SIVA1: variants seen among roughly 807,000 people sequenced by gnomAD.
SIVA1 encodes apoptosis regulatory protein Siva.
SIVA1 carries 10 observed loss-of-function variants against 19.7 expected under a neutral mutation model. The observed-to-expected ratio is 0.51, with a 90% CI of 0.31 to 0.86. SIVA1 has a LOEUF of 0.86. Ranked by LOEUF, SIVA1 falls within the 40% of genes least tolerant of loss-of-function variation. The pLI is 0.04. For synonymous variants in SIVA1, 130 were observed against 106.1 expected (o/e 1.23, Z -1.39); for missense variants, 241 against 245.2 (o/e 0.98, Z 0.11).
intron 1 of SIVA1, among the ~76,000 whole-genome samples, chr14:104,754,487 G>A (rs527462311): frequency 1.3e-5 from 2 of 152,226 alleles, no homozygotes; most frequent in African/African-American, 2.4e-5. Flanking sequence ...CAGGCAAGAA[G>A]AGGAAGATGG....
At chr14:104,753,814 G>C in intron 1 of SIVA1, 1 of 453,152 alleles carries the variant, frequency 2.2e-6, no homozygotes, top group Non-Finnish European at 4.5e-6. Flanking sequence ...GATGTGCCCC[G>C]TCTCCCGGGA....
chr14:104,756,042 A>G (rs748883173), intron 2 of SIVA1: 1 of 672,826 alleles, frequency 1.5e-6, no homozygotes, highest in Non-Finnish European at 2.7e-6. Flanking sequence ...CCAAAAAAGC[A>G]GCAGAGACTC....
At position 104,753,300 on chromosome 14, in the gene SIVA1, C is replaced by A; in HGVS notation, c.99C>A (p.Arg33=). The A allele has an allele frequency of 6.2e-7, 1 of 1,600,698 alleles. No homozygotes were observed. Among genetic ancestry groups the A allele is most frequent in the South Asian group, 1.1e-5 (1 of 89,498 alleles). The change falls in exon 1 of 4, where the codon CGC becomes CGA. Residue 33 remains arginine, a synonymous_variant. Coordinates refer to ENST00000329967, the MANE Select transcript of SIVA1 (RefSeq NM_006427.4). ...RELSRGVCAE[R]YSQEVFEKTK... is the part of the protein sequence containing the mutation. Reference sequence around the variant, plus strand: ...TGAGCCGCGGCGTGTGCGCCGAGCGCTACTCGCAGGAGGTCTTCGGTGAGT... The same window carrying A: ...TGAGCCGCGGCGTGTGCGCCGAGCGATACTCGCAGGAGGTCTTCGGTGAGT...
In SIVA1 at chr14:104,759,611, T is replaced by A; in HGVS notation, c.*126T>A. Reference sequence around the variant, plus strand: ...GAGGGGTGCCTTTTACATGTTCTATTTTGTATCCTAATGACAGAATGAATA... The same window carrying A: ...GAGGGGTGCCTTTTACATGTTCTATATTGTATCCTAATGACAGAATGAATA... On this transcript the variant is annotated 3_prime_UTR_variant, in exon 4 of 4. Coordinates refer to ENST00000329967, the MANE Select transcript of SIVA1 (RefSeq NM_006427.4). This position sits in a 1 kb window ranked among gnomAD's most constrained non-coding sequence, Gnocchi z 4.2. 1.5e-6 allele frequency: 1 copy of A among 668,854 alleles called. No homozygotes were observed. The highest frequency in any genetic ancestry group is 2.6e-6 in the Non-Finnish European group (1 of 386,050). The allele number at this position is 668,854 out of a possible 1,614,324, so 41.4% of individuals were successfully genotyped here.
chr14:104,756,284 C>G (rs1170837459), intron 2 of SIVA1: 2 of 481,288 alleles, frequency 4.2e-6, no homozygotes, highest in African/African-American at 3.9e-5. Flanking sequence ...CCAGATGGGA[C>G]ACATGGAGTT....
chr14:104,753,576 G>C (rs1366599467), intron 1 of SIVA1: 1 of 520,440 alleles, frequency 1.9e-6, no homozygotes, highest in African/African-American at 2.0e-5. Context: ...CCTAGCCCCC[G>C]CGCCCTCTTC....
At position 104,759,172 on chromosome 14, in the gene SIVA1, T is replaced by C; in HGVS notation, c.471-256T>C. The C allele has an allele frequency of 2.7e-6, 1 of 367,300 alleles. No individual in the cohort carries two copies. The highest frequency in any genetic ancestry group is 4.9e-6 in the Non-Finnish European group (1 of 202,298). 22.8% of individuals were successfully genotyped at this position (367,300 alleles called of 1,614,324 possible). A position where few individuals can be genotyped will look rare whatever the true frequency, so the allele number is the denominator to read the frequency against. On this transcript the variant is annotated intron_variant, in intron 3 of 3. Transcript: ENST00000329967. This position sits in a 1 kb window ranked among gnomAD's most constrained non-coding sequence, Gnocchi z 4.2. Reference sequence around the variant, plus strand: ...TCCCTGTAGACAGCTGCCCCCTCCCTGTATCTTCATGTCGTCTTCCTTCTC... The same window carrying C: ...TCCCTGTAGACAGCTGCCCCCTCCCCGTATCTTCATGTCGTCTTCCTTCTC...
chr14:104,756,331 C>T (rs1891886703), intron 2 of SIVA1: 5 of 545,750 alleles, frequency 9.2e-6, no homozygotes, highest in African/African-American at 1.9e-5. Flanking sequence ...CCTTCCAGCA[C>T]TAGCCTCCAG....
chr14:104,756,038 AAGC>A (rs1264959239), intron 2 of SIVA1: 1 of 674,184 alleles, frequency 1.5e-6, no homozygotes, highest in Non-Finnish European at 2.7e-6. Context: ...TGGGCCAAAA[AAGC>A]AGCAGAGACT....
In SIVA1 at chr14:104,759,360, T is replaced by TG; in HGVS notation, c.471-62dup. On this transcript the variant is annotated intron_variant, in intron 3 of 3. Coordinates refer to ENST00000329967, the MANE Select transcript of SIVA1 (RefSeq NM_006427.4). The surrounding 1 kb of genome is among the most constrained non-coding windows in gnomAD (Gnocchi z 4.2). ...GGTTAGGACTTTGACGTTTGAATGG[T>TG]GGGGGGTGGTGGACACAATTCAGCC... 3 of 1,351,660 alleles carry TG rather than the reference T, an allele frequency of 2.2e-6. No individual in the cohort carries two copies. Among genetic ancestry groups the TG allele is most frequent in the South Asian group, 2.5e-5 (2 of 80,686 alleles). 83.7% of individuals were successfully genotyped at this position (1,351,660 alleles called of 1,614,324 possible).
rs763135179 is a variant in SIVA1 at position 104,756,589 on chromosome 14, G to A, written c.314-15G>A. On this transcript the variant is annotated splice_polypyrimidine_tract_variant and intron_variant, in intron 2 of 3. Coordinates refer to ENST00000329967, the MANE Select transcript of SIVA1 (RefSeq NM_006427.4). Reference sequence around the variant, plus strand: ...TCTCCTTGCAGCCTGACGGCTTGGCGTTTCTTCCTCACAGACCCATCTGGG... The same window carrying A: ...TCTCCTTGCAGCCTGACGGCTTGGCATTTCTTCCTCACAGACCCATCTGGG... 7.4e-6 allele frequency: 12 copies of A among 1,613,884 alleles called. No homozygotes were observed. The highest frequency in any genetic ancestry group is 6.7e-5 in the East Asian group (3 of 44,902).
At chr14:104,753,943 C>T in intron 1 of SIVA1, 1 of 335,586 alleles carries the variant, frequency 3.0e-6, no homozygotes, top group South Asian at 2.1e-5. Flanking sequence ...GAAGAACAGT[C>T]TGAGCGGAAT....
In SIVA1 at chr14:104,756,607, C is replaced by T. The variant is rs1367473078; in HGVS notation, c.317C>T (p.Pro106Leu). Residue 106 changes from proline (P) to leucine (L), a missense_variant, in exon 3 of 4, where the codon CCA (proline) becomes CTA (leucine). By Grantham distance (98) the Pro-to-Leu change is moderately conservative (BLOSUM62 -3). Coordinates refer to ENST00000329967, the MANE Select transcript of SIVA1 (RefSeq NM_006427.4). ...RSLGQASEAD[P>L]SGVASIACSS... ...GCTTGGCGTTTCTTCCTCACAGACC[C>T]ATCTGGGGTAGCGTCCATTGCCTGT... The T allele has an allele frequency of 3.1e-6, 5 of 1,614,178 alleles. No homozygotes were observed. The highest frequency in any genetic ancestry group is 4.2e-6 in the Non-Finnish European group (5 of 1,180,034).
chr14:104,759,391 C>T lies in SIVA1; in HGVS notation c.471-37C>T, dbSNP rs751184793. ...GTGGTGGACACAATTCAGCCCCTGA[C>T]AGCAGCTTTTCTCTCCCCTCCCTGA... On this transcript the variant is annotated intron_variant, in intron 3 of 3. Transcript: ENST00000329967. This position sits in a 1 kb window ranked among gnomAD's most constrained non-coding sequence, Gnocchi z 4.2. 1.3e-6 allele frequency: 2 copies of T among 1,593,898 alleles called. No individual in the cohort carries two copies. Among genetic ancestry groups the T allele is most frequent in the Non-Finnish European group, 8.6e-7 (1 of 1,165,228 alleles).
chr14:104,753,609 C>T (rs918924922), intron 1 of SIVA1: 5 of 487,484 alleles, frequency 1.0e-5, no homozygotes, highest in Non-Finnish European at 1.9e-5. Flanking sequence ...TAGTCGCCGC[C>T]CTGCAGTGAG....
At chr14:104,757,261 C>T (rs553106500) in intron 3 of SIVA1, 14 of 426,030 alleles carry the variant, frequency 3.3e-5, no homozygotes, top group Admixed American at 1.4e-4. Flanking sequence ...TGGGGAGGGG[C>T]GTTCTCACCC....
At chr14:104,753,764 G>A (rs1386998229) in intron 1 of SIVA1, 6 of 454,820 alleles carry the variant, frequency 1.3e-5, no homozygotes, top group Admixed American at 9.4e-5. Flanking sequence ...GCCCTGCCAG[G>A]CACGGCGGCT....
intron 1 of SIVA1, among the ~76,000 whole-genome samples, chr14:104,755,345 TAGG>T (rs1891847452): frequency 6.6e-6 from 1 of 152,138 alleles, no homozygotes; most frequent in Non-Finnish European, 1.5e-5. Context: ...AGCCGAGTGA[TAGG>T]AGAGGGAACC....
intron 3 of SIVA1, chr14:104,757,083 G>A (rs12587575): frequency 0.068 from 27,138 of 397,970 alleles, 1,141 homozygotes; most frequent in South Asian, 0.1. Flanking sequence ...CCCTCCCCCC[G>A]TCCGAGGAGC....
Sources: allele counts gnomAD v4.1 joint callset (sites outside exome capture counted in the v4.1 genomes callset), GRCh38; gene constraint gnomAD v4.1.1; non-coding constraint Gnocchi (gnomAD v3.1); transcripts MANE v1.5; gene names NCBI Gene and HGNC (gene_info 2026-07-23, HGNC 2026-07-21).